The following SPOCK1 variants were observed in gnomAD, a reference collection of about 807,000 sequenced individuals.
The protein encoded by SPOCK1 is SPARC (osteonectin), cwcv and kazal like domains proteoglycan 1.
In SPOCK1, 23 loss-of-function variants were observed where a neutral mutation model predicts 55.3. The observed-to-expected ratio is 0.42, with a 90% CI of 0.30 to 0.59. The LOEUF is 0.59. Ranked by LOEUF, SPOCK1 falls within the 20% of genes least tolerant of loss-of-function variation. SPOCK1 has a pLI of 0.22. For missense variants in SPOCK1, 499 were observed against 552.5 expected (o/e 0.90, Z 0.97); for synonymous variants, 226 against 221.0 (o/e 1.02, Z -0.20).
chr5:137,457,251 G>A (rs982873403), intron 2 of SPOCK1, among the ~76,000 whole-genome samples: 1 of 152,210 alleles, frequency 6.6e-6, no homozygotes, highest in African/African-American at 2.4e-5. Flanking sequence ...AAATAGACAC[G>A]AATGGGTTGG....
At chr5:137,290,234 T>C (rs1016810627) in intron 2 of SPOCK1, among the ~76,000 whole-genome samples, 3 of 152,220 alleles carry the variant, frequency 2.0e-5, no homozygotes, top group Non-Finnish European at 4.4e-5. Flanking sequence ...ATGGACATTG[T>C]GTTATGTTCA....
At chr5:136,986,141 G>A (rs535843288) in intron 8 of SPOCK1, among the ~76,000 whole-genome samples, 1 of 152,234 alleles carries the variant, frequency 6.6e-6, no homozygotes, top group African/African-American at 2.4e-5. Context: ...TTGACTTCTT[G>A]TTTTAAGATG....
In SPOCK1 at chr5:137,305,835, C is replaced by G. The variant is rs536414099; in HGVS notation, c.187-38780G>C. Among the ~76,000 whole-genome samples the G allele has an allele frequency of 4.6e-5, 7 of 152,332 alleles. No homozygotes were observed. In the South Asian group the frequency reaches 6.2e-4, roughly 14 times the overall value. On this transcript the variant is annotated intron_variant, in intron 2 of 10. Transcript: ENST00000394945. ...CTCAGGTCTCCTTCTTGTGCATGCT[C>G]TTTCCAAGATCTCGGAGCAGGCCCT...
chr5:137,172,435 T>C (rs1291122757), intron 3 of SPOCK1, among the ~76,000 whole-genome samples: 1 of 152,184 alleles, frequency 6.6e-6, no homozygotes, highest in Non-Finnish European at 1.5e-5. Context: ...AGTTGCCATG[T>C]AGAAAAACCA....
chr5:137,350,599 G>C (rs1354542560), intron 2 of SPOCK1, among the ~76,000 whole-genome samples: 1 of 152,134 alleles, frequency 6.6e-6, no homozygotes, highest in Admixed American at 6.5e-5. Context: ...TCATCCAAAA[G>C]AGTGCACACA....
chr5:137,247,732 C>A (rs1756422987), intron 3 of SPOCK1, among the ~76,000 whole-genome samples: 1 of 152,148 alleles, frequency 6.6e-6, no homozygotes, highest in South Asian at 2.1e-4. Context: ...CTGGTGAGGG[C>A]TTTCCTGCTG....
intron 2 of SPOCK1, among the ~76,000 whole-genome samples, chr5:137,493,506 T>G (rs556497981): frequency 6.6e-6 from 1 of 152,318 alleles, no homozygotes; most frequent in South Asian, 2.1e-4. Flanking sequence ...CTGAGAAGAC[T>G]TAGCTTTTCT....
intron 3 of SPOCK1, among the ~76,000 whole-genome samples, chr5:137,227,963 A>C (rs1416099245): frequency 2.6e-5 from 4 of 152,258 alleles, no homozygotes; most frequent in African/African-American, 9.6e-5. Flanking sequence ...ATGCAGAAAA[A>C]GTATAAATAC....
intron 5 of SPOCK1, among the ~76,000 whole-genome samples, chr5:137,075,864 T>C (rs1002135165): frequency 1.3e-5 from 2 of 152,232 alleles, no homozygotes; most frequent in African/African-American, 4.8e-5. Flanking sequence ...TCCACTGTTC[T>C]CACTTCTGGA....
rs527740892 is a variant in SPOCK1, at chr5:137,413,045, AAAG to A, written c.186+85325_186+85327del. 2.6e-5 allele frequency among the ~76,000 whole-genome samples: 4 copies of A among 152,308 alleles called. No homozygotes were observed. The East Asian group carries it at 7.7e-4, about 29-fold the overall frequency. On this transcript the variant is annotated intron_variant, in intron 2 of 10. Transcript: ENST00000394945. ...CTAATGCTATTTTTATAAAATCTTA[AAAG>A]TAATTTTTGGAGGTGCTGTATCAAA...
intron 2 of SPOCK1, among the ~76,000 whole-genome samples, chr5:137,297,570 G>A (rs937011582): frequency 4.6e-5 from 7 of 152,300 alleles, no homozygotes; most frequent in South Asian, 4.2e-4. Context: ...AGACTATGAG[G>A]TGTGTCTCTC....
At chr5:137,422,615 T>C (rs1752523741) in intron 2 of SPOCK1, among the ~76,000 whole-genome samples, 1 of 152,258 alleles carries the variant, frequency 6.6e-6, no homozygotes, top group African/African-American at 2.4e-5. Flanking sequence ...GTAGTTCCCA[T>C]GCCTTGGTTT....
rs534345083 is a variant in SPOCK1, at chr5:137,318,141, C to T, written c.187-51086G>A. Among the ~76,000 whole-genome samples the T allele has an allele frequency of 2.0e-5, 3 of 152,286 alleles. No individual in the cohort carries two copies. In the South Asian group the frequency reaches 6.2e-4, roughly 32 times the overall value. ...CAATCTTCCTGTCCCACTGCATTTT[C>T]AAAGACCACATAAATATGTAATCCA... On this transcript the variant is annotated intron_variant, in intron 2 of 10. Coordinates refer to ENST00000394945, the MANE Select transcript of SPOCK1 (RefSeq NM_004598.4).
chr5:137,015,959 AAGG>A (rs1170366860), intron 6 of SPOCK1, among the ~76,000 whole-genome samples: 8 of 152,210 alleles, frequency 5.3e-5, no homozygotes, highest in South Asian at 4.1e-4. Flanking sequence ...GTGTGGAGGA[AAGG>A]AGGAGAGAAA....
At position 137,499,216 on chromosome 5, in the gene SPOCK1, C is replaced by G. The variant is rs1341172259; in HGVS notation, c.-38G>C. 7.5e-6 allele frequency: 1 copy of G among 133,158 alleles called. No individual in the cohort carries two copies. Among genetic ancestry groups the G allele is most frequent in the African/African-American group, 2.7e-5 (1 of 36,396 alleles). The allele number at this position is 133,158 out of a possible 1,614,324, so 8.2% of individuals were successfully genotyped here. A position where few individuals can be genotyped will look rare whatever the true frequency, so the allele number is the denominator to read the frequency against. Reference sequence around the variant, plus strand: ...CCCGGGTCCCCTAGTCCGAGTTGCTCGAGCTCCCGCGGCACGGTCGCCGGG... The same window carrying G: ...CCCGGGTCCCCTAGTCCGAGTTGCTGGAGCTCCCGCGGCACGGTCGCCGGG... On this transcript the variant is annotated 5_prime_UTR_variant, in exon 1 of 11. Coordinates refer to ENST00000394945, the MANE Select transcript of SPOCK1 (RefSeq NM_004598.4).
At chr5:137,006,489 T>C (rs1347282887) in intron 6 of SPOCK1, among the ~76,000 whole-genome samples, 1 of 152,198 alleles carries the variant, frequency 6.6e-6, no homozygotes, top group Admixed American at 6.5e-5. Context: ...AGTTTGCTCA[T>C]GATTTGGTTC....
chr5:137,381,687 C>T (rs908271785), intron 2 of SPOCK1, among the ~76,000 whole-genome samples: 1 of 152,190 alleles, frequency 6.6e-6, no homozygotes, highest in African/African-American at 2.4e-5. Context: ...ATGTAGGGCG[C>T]CATGTCCCAA....
At chr5:137,468,794 C>A (rs866287792) in intron 2 of SPOCK1, among the ~76,000 whole-genome samples, 4 of 152,244 alleles carry the variant, frequency 2.6e-5, no homozygotes, top group Middle Eastern at 3.4e-3. Context: ...GAGAACGAAG[C>A]AGGCATGATC....
chr5:137,001,740 G>C (rs552817546), intron 6 of SPOCK1, among the ~76,000 whole-genome samples: 16 of 152,314 alleles, frequency 1.1e-4, no homozygotes, highest in Non-Finnish European at 1.9e-4. Context: ...AATACTGACA[G>C]GCAGCCACTA....
Sources: allele counts gnomAD v4.1 joint callset (sites outside exome capture counted in the v4.1 genomes callset), GRCh38; gene constraint gnomAD v4.1.1; transcripts MANE v1.5; gene names NCBI Gene and HGNC (gene_info 2026-07-23, HGNC 2026-07-21).